ZFR: variants seen among roughly 807,000 people sequenced by gnomAD.
ZFR encodes the protein zinc finger RNA binding protein, also known as zinc finger RNA-binding protein.
In ZFR, 19 loss-of-function variants were observed where a neutral mutation model predicts 130.7. The ratio of observed to expected loss-of-function variants is 0.15; its 90% CI spans 0.10 to 0.21. The LOEUF is 0.21. ZFR is among the 10% of genes least tolerant of loss of function. The pLI, the probability that ZFR is intolerant of heterozygous loss-of-function variation, is 1.00. For missense variants in ZFR, 872 were observed against 1,321.5 expected (o/e 0.66, Z 5.27); for synonymous variants, 466 against 456.9 (o/e 1.02, Z -0.25).
chr5:32,444,440 G>A (rs1754557007), intron 1 of ZFR, 112 bp from the exon 2 acceptor site: 1 of 1,334,314 alleles, frequency 7.5e-7, no homozygotes. Context: ...GAGCAGCCCT[G>A]GCGGGGCCCA....
rs763858533 is a variant in ZFR, at chr5:32,420,088, C to T, written c.153G>A (p.Ser51=). ...TAGTTGGATGAGAATAGGCTACACC[C>T]GAAGCTGGCTGCTGGCTACATTGTG... ...AAAQYSQQPA[S]GVAYSHPTTV... Residue 51 remains serine, a synonymous_variant, in exon 3 of 20, where the codon TCG becomes TCA. Transcript: ENST00000265069. 3.6e-5 allele frequency: 57 copies of T among 1,574,546 alleles called. No individual in the cohort carries two copies. The highest frequency in any genetic ancestry group is 1.8e-4 in the South Asian group (16 of 88,086).
At chr5:32,363,481 T>C (rs1172804773) in intron 19 of ZFR, among the ~76,000 whole-genome samples, 2 of 152,214 alleles carry the variant, frequency 1.3e-5, no homozygotes, top group Non-Finnish European at 2.9e-5. Flanking sequence ...ATATTACAGA[T>C]GAGATGGCAG....
intron 5 of ZFR, among the ~76,000 whole-genome samples, chr5:32,410,817 T>C (rs1006357454): frequency 1.2e-4 from 18 of 152,140 alleles, no homozygotes; most frequent in African/African-American, 4.3e-4. Context: ...AAATTGCAGA[T>C]AAAGAACTCA....
intron 3 of ZFR, 102 bp downstream of exon 3, chr5:32,419,719 T>G: frequency 2.7e-6 from 4 of 1,483,228 alleles, no homozygotes; most frequent in South Asian, 1.4e-5. Context: ...ATGTGTATTT[T>G]GGAAGCCCCA....
At chr5:32,397,384 T>C (rs1753337488) in intron 9 of ZFR, 46 bp from the exon 10 acceptor site, 2 of 1,595,446 alleles carry the variant, frequency 1.3e-6, no homozygotes, top group East Asian at 2.2e-5. Context: ...TTGAAGATTA[T>C]ATCATTCATA....
intron 17 of ZFR, among the ~76,000 whole-genome samples, chr5:32,374,165 AAGC>A (rs1363775912): frequency 6.6e-6 from 1 of 152,216 alleles, no homozygotes; most frequent in African/African-American, 2.4e-5. Flanking sequence ...AAGTTTAAGA[AAGC>A]AGGAAGCAGG....
intron 17 of ZFR, among the ~76,000 whole-genome samples, chr5:32,378,504 T>G (rs559071934): frequency 1.3e-5 from 2 of 152,212 alleles, no homozygotes; most frequent in Non-Finnish European, 2.9e-5. Context: ...GATGAATCCC[T>G]GTCTATCTGA....
In ZFR at chr5:32,417,724, T is replaced by C. The variant is rs1753858661; in HGVS notation, c.489A>G (p.Gln163=). The C allele has an allele frequency of 1.2e-6, 2 of 1,613,846 alleles. No individual in the cohort carries two copies. The highest frequency in any genetic ancestry group is 2.7e-5 in the African/African-American group (2 of 74,906). Residue 163 remains glutamine, a synonymous_variant, in exon 4 of 20, where the codon CAA becomes CAG. Coordinates refer to ENST00000265069, the MANE Select transcript of ZFR (RefSeq NM_016107.5). ...VAYDSKQYYQ[Q]PTATAAAVAA... is the part of the protein sequence containing the mutation. ...CTACAGCAGCAGCAGTTGCTGTTGG[T>C]TGTTGGTAGTATTGCTTACTATCAT...
chr5:32,429,903 TA>T (rs869237943), intron 2 of ZFR, among the ~76,000 whole-genome samples: 1 of 151,172 alleles, frequency 6.6e-6, no homozygotes, highest in African/African-American at 2.4e-5. Context: ...GCCCTGCCTT[TA>T]AAAAAAAATT....
At chr5:32,384,873 T>G (rs1251408627) in intron 15 of ZFR, among the ~76,000 whole-genome samples, 1 of 152,152 alleles carries the variant, frequency 6.6e-6, no homozygotes, top group Non-Finnish European at 1.5e-5. Flanking sequence ...ACTATCTACA[T>G]TTACACAGTT....
intron 17 of ZFR, among the ~76,000 whole-genome samples, chr5:32,369,389 C>T (rs1350751235): frequency 2.0e-5 from 3 of 152,120 alleles, no homozygotes. Flanking sequence ...GAAATGTTAA[C>T]GTATTTCAAC....
At chr5:32,426,984 C>G (rs1461761523) in intron 2 of ZFR, among the ~76,000 whole-genome samples, 1 of 149,068 alleles carries the variant, frequency 6.7e-6, no homozygotes, top group South Asian at 2.1e-4. Context: ...ATGGAAAACA[C>G]TAAACACTCC....
At chr5:32,387,943 C>G (rs1416280409) in intron 13 of ZFR, among the ~76,000 whole-genome samples, 1 of 151,836 alleles carries the variant, frequency 6.6e-6, no homozygotes, top group Non-Finnish European at 1.5e-5. Flanking sequence ...ATTAACACTT[C>G]TGTTTCTTAT....
intron 8 of ZFR, 99 bp downstream of exon 8, chr5:32,403,007 G>C: frequency 8.4e-7 from 1 of 1,185,770 alleles, no homozygotes. Context: ...GAGAAGGGAG[G>C]AGGCAGGTCC....
intron 2 of ZFR, among the ~76,000 whole-genome samples, chr5:32,427,374 CAAAAAAAAAAAA>C (rs540663022): frequency 4.5e-5 from 3 of 66,504 alleles, no homozygotes; most frequent in Admixed American, 3.5e-4. Flanking sequence ...GACTCTGTCT[CAAAAAAAAAAAA>C]AAAAAAAAAA....
intron 3 of ZFR, 73 bp from the exon 4 acceptor site, chr5:32,417,865 T>C (rs1026538654): frequency 1.4e-6 from 2 of 1,454,912 alleles, no homozygotes; most frequent in Admixed American, 3.9e-5. Context: ...TGTATAGAAG[T>C]GCAATAAAGG....
chr5:32,388,357 A>T, intron 13 of ZFR, 112 bp downstream of exon 13: 2 of 1,026,932 alleles, frequency 1.9e-6, no homozygotes, highest in Non-Finnish European at 1.4e-6. Context: ...AGGCATGGTT[A>T]AAACACATAG....
intron 2 of ZFR, among the ~76,000 whole-genome samples, chr5:32,442,428 T>C (rs770033304): frequency 2.0e-5 from 3 of 152,354 alleles, no homozygotes; most frequent in South Asian, 2.1e-4. Context: ...CAAAAAGCTG[T>C]TGAATTTTTT....
chr5:32,398,154 C>A (rs1006432873), intron 9 of ZFR, among the ~76,000 whole-genome samples: 2 of 152,094 alleles, frequency 1.3e-5, no homozygotes, highest in Non-Finnish European at 2.9e-5. Flanking sequence ...CCATGCCTGG[C>A]CACTATCTTT....
Sources: gnomAD v4.1 joint callset for allele counts (sites outside exome capture counted in the v4.1 genomes callset) on GRCh38, gnomAD v4.1.1 for gene constraint, MANE v1.5 for transcripts, NCBI Gene and HGNC (gene_info 2026-07-23, HGNC 2026-07-21) for gene names.